The following CC2D2A variants were observed in gnomAD, a reference collection of about 807,000 sequenced individuals.
CC2D2A encodes the protein coiled-coil and C2 domain-containing protein 2A.
Under a neutral mutation model 212.9 loss-of-function variants are expected in CC2D2A, and 155 were observed. That is an observed-to-expected ratio of 0.73 (90% CI 0.64 to 0.83). CC2D2A has a LOEUF of 0.83. Ranked by LOEUF, CC2D2A falls within the 40% of genes least tolerant of loss-of-function variation. The probability of loss-of-function intolerance (pLI) is 0.00; values close to 1 mark genes in which losing one functional copy is unlikely to be tolerated. For missense variants in CC2D2A, 1,856 were observed against 1,956.2 expected (o/e 0.95, Z 0.97); for synonymous variants, 667 against 686.5 (o/e 0.97, Z 0.44).
At chr4:15,562,733 C>T (rs1273244053) in intron 23 of CC2D2A, among the ~76,000 whole-genome samples, 2 of 152,236 alleles carry the variant, frequency 1.3e-5, no homozygotes, top group East Asian at 3.8e-4. Flanking sequence ...GAAACAGAGA[C>T]TTAAAGAGGT....
At chr4:15,584,896 T>C (rs985229823) in intron 30 of CC2D2A, among the ~76,000 whole-genome samples, 3 of 152,106 alleles carry the variant, frequency 2.0e-5, no homozygotes, top group Non-Finnish European at 4.4e-5. Context: ...AATGAAAAAA[T>C]GTTCAACATC....
At chr4:15,553,958 C>T (rs894429194) in intron 19 of CC2D2A, among the ~76,000 whole-genome samples, 3 of 152,200 alleles carry the variant, frequency 2.0e-5, no homozygotes, top group Non-Finnish European at 4.4e-5. Flanking sequence ...TAAAAGGATT[C>T]ATTGTGATCA....
chr4:15,479,242 G>C (rs759938735), intron 3 of CC2D2A: 2 of 1,537,070 alleles, frequency 1.3e-6, no homozygotes, highest in East Asian at 2.4e-5. Flanking sequence ...CCTTTCTCCC[G>C]AGCCTGCTGG....
In CC2D2A at chr4:15,514,843, T is replaced by C; in HGVS notation, c.854T>C (p.Met285Thr). The change falls in exon 9 of 37, where the codon ATG becomes ACG. Residue 285 changes from methionine (M) to threonine (T), a missense_variant. Met to Thr is a moderately conservative substitution (Grantham distance 81, BLOSUM62 -1). Transcript: ENST00000424120. The part of the protein sequence containing the change: ...IHDRLQMERE[M>T]LFIPSRQTVP... ...GATCGGCTGCAGATGGAAAGAGAAATGCTCTTCATACCCAGTAGGCAGACA... is the reference window on the plus strand; with the variant it reads ...GATCGGCTGCAGATGGAAAGAGAAACGCTCTTCATACCCAGTAGGCAGACA... 1 of 1,613,950 alleles carries C rather than the reference T, an allele frequency of 6.2e-7. No individual in the cohort carries two copies. Among genetic ancestry groups the C allele is most frequent in the Non-Finnish European group, 8.5e-7 (1 of 1,179,844 alleles).
chr4:15,554,522 T>A (rs1439642927), intron 19 of CC2D2A, among the ~76,000 whole-genome samples: 9 of 152,186 alleles, frequency 5.9e-5, no homozygotes, highest in African/African-American at 1.9e-4. Flanking sequence ...AAAAAAATAA[T>A]AAAATTAGCT....
chr4:15,566,636 G>T (rs1001143545), intron 24 of CC2D2A, among the ~76,000 whole-genome samples: 1 of 152,132 alleles, frequency 6.6e-6, no homozygotes, highest in Non-Finnish European at 1.5e-5. Flanking sequence ...AAGGGAGAAT[G>T]TTTGTCACCA....
intron 4 of CC2D2A, among the ~76,000 whole-genome samples, chr4:15,484,290 G>C (rs1714873526): frequency 6.6e-6 from 1 of 152,216 alleles, no homozygotes; most frequent in South Asian, 2.1e-4. Flanking sequence ...GCAACAGCCA[G>C]GGGGCAAGGG....
chr4:15,519,728 AT>A, intron 11 of CC2D2A: 1 of 423,984 alleles, frequency 2.4e-6, no homozygotes, highest in South Asian at 1.8e-5. Flanking sequence ...GGAAACTCCC[AT>A]TTTTAAAACA....
intron 6 of CC2D2A, among the ~76,000 whole-genome samples, chr4:15,508,625 C>T (rs561060509): frequency 6.6e-6 from 1 of 152,272 alleles, no homozygotes; most frequent in East Asian, 1.9e-4. Flanking sequence ...CTCTACAAGA[C>T]AGTGCCTGAT....
intron 24 of CC2D2A, among the ~76,000 whole-genome samples, chr4:15,565,068 G>A (rs769688469): frequency 1.1e-4 from 16 of 152,148 alleles, no homozygotes; most frequent in Non-Finnish European, 2.1e-4. Flanking sequence ...TATTCCTAAT[G>A]CTTTGTTACT....
chr4:15,503,915 G>C (rs1716113450), intron 6 of CC2D2A, among the ~76,000 whole-genome samples: 1 of 152,146 alleles, frequency 6.6e-6, no homozygotes, highest in Non-Finnish European at 1.5e-5. Flanking sequence ...GGAGGAGAGG[G>C]AGCCAGGAAA....
chr4:15,479,333 G>A, intron 3 of CC2D2A: 1 of 1,532,816 alleles, frequency 6.5e-7, no homozygotes, highest in Non-Finnish European at 8.7e-7. Flanking sequence ...TTCAAGGTAA[G>A]TCCTTGGTAA....
chr4:15,511,322 T>C lies in CC2D2A; in HGVS notation c.616T>C (p.Ser206Pro). The C allele has an allele frequency of 6.2e-7, 1 of 1,600,928 alleles. No homozygotes were observed. The highest frequency in any genetic ancestry group is 8.5e-7 in the Non-Finnish European group (1 of 1,175,370). The change falls in exon 8 of 37, where the codon TCA becomes CCA. Residue 206 changes from serine to proline, a missense_variant. Physicochemically the swap from Ser to Pro is moderately conservative, Grantham distance 74. Transcript: ENST00000424120. ...TFNFDPEPEGSEEKPKARHRA... is the reference protein window; with the variant it reads ...TFNFDPEPEGPEEKPKARHRA... The stretch of plus-strand genomic sequence containing the variant: ...CAACTTTGATCCCGAACCAGAAGGA[T>C]CAGAGGAAAAACCAAAAGCAAGACA...
chr4:15,554,455 A>G (rs1577371883), intron 19 of CC2D2A, among the ~76,000 whole-genome samples: 1 of 152,086 alleles, frequency 6.6e-6, no homozygotes, highest in Admixed American at 6.6e-5. Flanking sequence ...GGCAGATCAC[A>G]TGAGGTCAGG....
Position 15,601,348 on chromosome 4 carries a change from G to A in CC2D2A, c.4786G>A (p.Ala1596Thr), listed in dbSNP as rs780190318. The A allele has an allele frequency of 1.2e-6, 2 of 1,609,052 alleles. No individual in the cohort carries two copies. Among genetic ancestry groups the A allele is most frequent in the Non-Finnish European group, 1.7e-6 (2 of 1,177,214 alleles). Residue 1596 changes from alanine (A) to threonine (T), a missense_variant, in exon 37 of 37, where the codon GCT becomes ACT. By Grantham distance (58) the Ala-to-Thr change is moderately conservative. This residue lies in a region of CC2D2A where 285 missense variants were observed against 278.4 expected (regional missense o/e 1.02). Transcript: ENST00000424120. ...IDVPNVEFAL[A>T]VYIHPYPKNV... Reference sequence around the variant, plus strand: ...TGTTCCTAATGTTGAATTTGCTTTAGCTGTATACATACACCCATACCCCAA... The same window carrying A: ...TGTTCCTAATGTTGAATTTGCTTTAACTGTATACATACACCCATACCCCAA...
At chr4:15,491,431 G>A (rs945122973) in intron 4 of CC2D2A, among the ~76,000 whole-genome samples, 13 of 152,112 alleles carry the variant, frequency 8.5e-5, no homozygotes, top group African/African-American at 3.1e-4. Flanking sequence ...TGAGACATGA[G>A]TCTCACTCTG....
At chr4:15,494,695 T>C (rs1715510660) in intron 4 of CC2D2A, among the ~76,000 whole-genome samples, 2 of 152,236 alleles carry the variant, frequency 1.3e-5, no homozygotes, top group African/African-American at 4.8e-5. Context: ...TTGTGTCCTA[T>C]GTACCCATAG....
chr4:15,600,671 G>A, intron 36 of CC2D2A, among the ~76,000 whole-genome samples: 1 of 152,110 alleles, frequency 6.6e-6, no homozygotes, highest in South Asian at 2.1e-4. Flanking sequence ...GGGAGGCTGA[G>A]GCAGCGGATC....
intron 15 of CC2D2A, among the ~76,000 whole-genome samples, chr4:15,537,459 C>T (rs1202290641): frequency 1.3e-5 from 2 of 152,190 alleles, no homozygotes; most frequent in Non-Finnish European, 2.9e-5. Flanking sequence ...AATTATATAA[C>T]TTTATGCACA....
Sources: gnomAD v4.1 joint callset for allele counts (sites outside exome capture counted in the v4.1 genomes callset) on GRCh38, gnomAD v4.1.1 for gene constraint, gnomAD v4.1.1 regional missense constraint, MANE v1.5 for transcripts, NCBI Gene and HGNC (gene_info 2026-07-23, HGNC 2026-07-21) for gene names.